Variants in ARHGAP15 observed in about 807,000 individuals in gnomAD.
ARHGAP15 encodes the protein Rho GTPase activating protein 15, also known as rho GTPase-activating protein 15.
In ARHGAP15, 51 loss-of-function variants were observed where a neutral mutation model predicts 63.7. The observed-to-expected ratio is 0.80, with a 90% CI of 0.64 to 1.01. The LOEUF (loss-of-function observed/expected upper bound fraction) is 1.01, where lower values mean the gene tolerates loss of function less well. Among genes scored for constraint, ARHGAP15 ranks in the 50% least tolerant of loss-of-function variants. ARHGAP15 has a pLI of 0.00. For synonymous variants in ARHGAP15, 191 were observed against 193.8 expected (o/e 0.99, Z 0.12); for missense variants, 560 against 564.6 (o/e 0.99, Z 0.08).
intron 6 of ARHGAP15, among the ~76,000 whole-genome samples, chr2:143,337,724 G>A (rs1218096161): frequency 6.6e-6 from 1 of 151,972 alleles, no homozygotes; most frequent in South Asian, 2.1e-4. Flanking sequence ...GCAATGACTG[G>A]CAAAATATCA....
intron 11 of ARHGAP15, among the ~76,000 whole-genome samples, chr2:143,611,064 A>G (rs1698236475): frequency 6.6e-6 from 1 of 152,128 alleles, no homozygotes; most frequent in Non-Finnish European, 1.5e-5. Context: ...CTACTCCTCT[A>G]GAAACAAGGC....
At chr2:143,690,962 G>A (rs1010941745) in intron 12 of ARHGAP15, among the ~76,000 whole-genome samples, 1 of 152,090 alleles carries the variant, frequency 6.6e-6, no homozygotes, top group South Asian at 2.1e-4. Flanking sequence ...ATTAATCAGA[G>A]TTCATCACAC....
At chr2:143,276,205 C>T (rs1159455689) in intron 6 of ARHGAP15, among the ~76,000 whole-genome samples, 2 of 152,174 alleles carry the variant, frequency 1.3e-5, no homozygotes, top group African/African-American at 2.4e-5. Flanking sequence ...ATTTATTCAG[C>T]CCACCATTTC....
chr2:143,136,251 G>C (rs354720), intron 1 of ARHGAP15, among the ~76,000 whole-genome samples: 100,085 of 151,568 alleles, frequency 0.66, 33,820 homozygotes, highest in East Asian at 0.84. Flanking sequence ...TCATTATACT[G>C]TTCACGTGAC....
rs1162793989 is a variant in ARHGAP15, at chr2:143,142,215, C to A, written c.-15+12749C>A. ...GGTTGGCAGTCTGCCGATTTTCCAC[C>A]TCTTCTTGAATTTATAGCTGCTCCT... On this transcript the variant is annotated intron_variant, in intron 1 of 13. Transcript: ENST00000295095. Among the ~76,000 whole-genome samples the A allele has an allele frequency of 2.0e-5, 3 of 152,168 alleles. 1 individual carries two copies. The highest frequency in any genetic ancestry group is 4.4e-5 in the Non-Finnish European group (3 of 68,018).
intron 12 of ARHGAP15, among the ~76,000 whole-genome samples, chr2:143,672,030 A>G (rs1256145337): frequency 6.6e-6 from 1 of 152,180 alleles, no homozygotes; most frequent in African/African-American, 2.4e-5. Flanking sequence ...ACTTGGTGCT[A>G]TGAAATGCCC....
intron 6 of ARHGAP15, among the ~76,000 whole-genome samples, chr2:143,302,993 T>C (rs1682977448): frequency 6.6e-6 from 1 of 152,042 alleles, no homozygotes; most frequent in Non-Finnish European, 1.5e-5. Flanking sequence ...ATTTAACTTT[T>C]TAAAGCAGAT....
rs188472563 is a variant in ARHGAP15 at position 143,198,393 on chromosome 2, A to G, written c.166-3741A>G. 1.4e-4 allele frequency among the ~76,000 whole-genome samples: 21 copies of G among 152,196 alleles called. No homozygotes were observed. The East Asian group carries it at 4.1e-3, about 29-fold the overall frequency. ...TAGATTTGTTTCCCAAACTTCAATC[A>G]TTCACTTGCTATGTTTGTGAGTTTT... On this transcript the variant is annotated intron_variant, in intron 2 of 13. Transcript: ENST00000295095.
At chr2:143,589,276 A>G (rs1004518975) in intron 11 of ARHGAP15, among the ~76,000 whole-genome samples, 23 of 152,200 alleles carry the variant, frequency 1.5e-4, no homozygotes, top group Non-Finnish European at 2.8e-4. Flanking sequence ...CTTCTTCTCC[A>G]TGTACTCTAC....
chr2:143,667,365 A>T (rs1425527314), intron 12 of ARHGAP15, among the ~76,000 whole-genome samples: 2 of 140,488 alleles, frequency 1.4e-5, no homozygotes, highest in Admixed American at 7.2e-5. Flanking sequence ...GTGGGAATTG[A>T]ACAATGAGAT....
intron 6 of ARHGAP15, chr2:143,435,118 T>G: frequency 4.1e-6 from 1 of 244,324 alleles, no homozygotes; most frequent in African/African-American, 2.3e-5. Flanking sequence ...CAATGAACTT[T>G]TGGAAGTCTG....
At chr2:143,548,663 C>A (rs1183752849) in intron 10 of ARHGAP15, among the ~76,000 whole-genome samples, 1 of 151,742 alleles carries the variant, frequency 6.6e-6, no homozygotes, top group East Asian at 1.9e-4. Context: ...AAATTAAATA[C>A]ATTTTTTTCA....
At chr2:143,660,573 T>C (rs571439989) in intron 12 of ARHGAP15, among the ~76,000 whole-genome samples, 5 of 152,326 alleles carry the variant, frequency 3.3e-5, no homozygotes, top group African/African-American at 1.2e-4. Context: ...GGAGATCATT[T>C]CAGGAAATTA....
At chr2:143,318,229 A>ATC (rs949553475) in intron 6 of ARHGAP15, among the ~76,000 whole-genome samples, 20 of 151,474 alleles carry the variant, frequency 1.3e-4, no homozygotes, top group Non-Finnish European at 2.5e-4. Context: ...GATGGTCTCG[A>ATC]TCTCCTGACC....
chr2:143,718,848 C>T (rs181139257), intron 13 of ARHGAP15, among the ~76,000 whole-genome samples: 272 of 152,342 alleles, frequency 1.8e-3, no homozygotes, highest in Admixed American at 4.3e-3. Context: ...AATGAAGACA[C>T]TTTTACCAGG....
At chr2:143,227,405 C>T (rs1693251959) in intron 4 of ARHGAP15, among the ~76,000 whole-genome samples, 1 of 152,050 alleles carries the variant, frequency 6.6e-6, no homozygotes, top group South Asian at 2.1e-4. Context: ...ATTGTGGATA[C>T]CTTTGTAAAG....
intron 6 of ARHGAP15, among the ~76,000 whole-genome samples, chr2:143,313,956 C>CTTT (rs35253811): frequency 6.8e-6 from 1 of 146,694 alleles, no homozygotes; most frequent in Non-Finnish European, 1.5e-5. Context: ...GAGGAGAGGG[C>CTTT]TTTTTTTTTT....
intron 6 of ARHGAP15, among the ~76,000 whole-genome samples, chr2:143,404,139 C>T (rs1164253674): frequency 1.3e-5 from 2 of 151,710 alleles, no homozygotes; most frequent in African/African-American, 4.8e-5. Context: ...AACATGGTGG[C>T]AAATTTTGGC....
At chr2:143,246,771 G>A (rs532247970) in intron 5 of ARHGAP15, among the ~76,000 whole-genome samples, 2 of 152,162 alleles carry the variant, frequency 1.3e-5, no homozygotes, top group African/African-American at 4.8e-5. Context: ...TTGCACAAAG[G>A]TCAATGATTT....
Sources: allele counts gnomAD v4.1 joint callset (sites outside exome capture counted in the v4.1 genomes callset), GRCh38; gene constraint gnomAD v4.1.1; transcripts MANE v1.5; gene names NCBI Gene and HGNC (gene_info 2026-07-23, HGNC 2026-07-21).